TP63: variants seen among roughly 807,000 people sequenced by gnomAD.
TP63 encodes tumor protein p63, also known as tumor protein 63.
TP63 carries 17 observed loss-of-function variants against 82.8 expected under a neutral mutation model. The ratio of observed to expected loss-of-function variants is 0.21; its 90% CI spans 0.14 to 0.31. The LOEUF (loss-of-function observed/expected upper bound fraction) is 0.31, where lower values mean the gene tolerates loss of function less well. Among genes scored for constraint, TP63 ranks in the 10% least tolerant of loss-of-function variants. TP63 has a pLI of 1.00. For synonymous variants in TP63, 330 were observed against 321.7 expected (o/e 1.03, Z -0.28); for missense variants, 648 against 895.3 (o/e 0.72, Z 3.52).
intron 1 of TP63, among the ~76,000 whole-genome samples, chr3:189,676,992 C>T (rs1270291819): frequency 1.3e-5 from 2 of 151,072 alleles, no homozygotes; most frequent in Admixed American, 1.3e-4. Flanking sequence ...CCCTCCCACC[C>T]TCCCAAATCT....
At chr3:189,657,029 A>G (rs1713439730) in intron 1 of TP63, among the ~76,000 whole-genome samples, 1 of 151,992 alleles carries the variant, frequency 6.6e-6, no homozygotes, top group Admixed American at 6.6e-5. Flanking sequence ...GCAAAAAAAA[A>G]AAAAGACAAC....
At chr3:189,771,644 T>G (rs1233712880) in intron 3 of TP63, among the ~76,000 whole-genome samples, 1 of 151,486 alleles carries the variant, frequency 6.6e-6, no homozygotes, top group Non-Finnish European at 1.5e-5. Flanking sequence ...CCCTCCTGAG[T>G]TGAATATTTG....
chr3:189,842,603 A>T (rs1714298427), intron 4 of TP63, among the ~76,000 whole-genome samples: 1 of 152,182 alleles, frequency 6.6e-6, no homozygotes, highest in Non-Finnish European at 1.5e-5. Flanking sequence ...GGGAGCACAT[A>T]GATGTCCAGT....
chr3:189,868,796 G>T, intron 8 of TP63, 80 bp downstream of exon 8: 1 of 1,607,716 alleles, frequency 6.2e-7, no homozygotes, highest in Non-Finnish European at 8.5e-7. Context: ...TGGAGAAGCT[G>T]CATGATAAGA....
intron 3 of TP63, among the ~76,000 whole-genome samples, chr3:189,760,891 C>G (rs1722516799): frequency 6.6e-6 from 1 of 152,160 alleles, no homozygotes. Flanking sequence ...GACTTCTGTG[C>G]ACACACAGGC....
the TP63 span, among the ~76,000 whole-genome samples, chr3:189,617,927 C>T: frequency 2.6e-5 from 4 of 152,272 alleles, no homozygotes; most frequent in African/African-American, 9.6e-5. Context: ...TATTATTTAG[C>T]CATGTGAGCT....
Position 189,836,254 on chromosome 3 carries a change from G to T in TP63, c.579+27728G>T, listed in dbSNP as rs923863899. Among the ~76,000 whole-genome samples, 3 of 152,224 alleles carry T rather than the reference G, an allele frequency of 2.0e-5. No homozygotes were observed. In the South Asian group the frequency reaches 6.2e-4, roughly 32 times the overall value. On this transcript the variant is annotated intron_variant, in intron 4 of 13. Transcript: ENST00000264731. ...AATCAAAGAATCCCTGTTTTAAGAG[G>T]AGTTTTTCTTATTTCAACTGGCAAA...
chr3:189,634,403 A>C (rs1308335645), intron 1 of TP63, among the ~76,000 whole-genome samples: 1 of 152,092 alleles, frequency 6.6e-6, no homozygotes, highest in African/African-American at 2.4e-5. Context: ...TGCCATTCCA[A>C]AAAAGTGTTT....
chr3:189,735,253 C>T (rs771152499), intron 1 of TP63, among the ~76,000 whole-genome samples: 1 of 152,218 alleles, frequency 6.6e-6, no homozygotes, highest in African/African-American at 2.4e-5. Flanking sequence ...TGCACCTATT[C>T]TGCACAGGTC....
At chr3:189,782,592 G>C (rs1458626060) in intron 3 of TP63, among the ~76,000 whole-genome samples, 1 of 152,042 alleles carries the variant, frequency 6.6e-6, no homozygotes, top group East Asian at 1.9e-4. Context: ...AATTTATTTG[G>C]AATCTATCAT....
chr3:189,654,244 TA>T (rs918058497), intron 1 of TP63, among the ~76,000 whole-genome samples: 234 of 135,828 alleles, frequency 1.7e-3, no homozygotes, highest in South Asian at 4.4e-3. Flanking sequence ...AAGCCTTTTG[TA>T]AAAAAAAAAA....
At chr3:189,721,614 A>G (rs1277123763) in intron 1 of TP63, among the ~76,000 whole-genome samples, 2 of 152,124 alleles carry the variant, frequency 1.3e-5, no homozygotes, top group African/African-American at 4.8e-5. Flanking sequence ...GTTCAGCTAG[A>G]ACTTTGTTTC....
intron 3 of TP63, among the ~76,000 whole-genome samples, chr3:189,749,424 C>G (rs1185470938): frequency 1.3e-5 from 2 of 151,838 alleles, no homozygotes; most frequent in African/African-American, 4.8e-5. Flanking sequence ...TAAAAATGGC[C>G]AATAACTATA....
chr3:189,811,090 A>G (rs1727512930), intron 4 of TP63, among the ~76,000 whole-genome samples: 1 of 152,168 alleles, frequency 6.6e-6, no homozygotes. Flanking sequence ...GGTGATGAGA[A>G]AAAGGCACTG....
intron 1 of TP63, among the ~76,000 whole-genome samples, chr3:189,634,027 A>G (rs1729615498): frequency 6.6e-6 from 1 of 152,140 alleles, no homozygotes; most frequent in Non-Finnish European, 1.5e-5. Flanking sequence ...AATAAATGAA[A>G]TATCACTGAA....
At chr3:189,651,278 G>T (rs2108636195) in intron 1 of TP63, among the ~76,000 whole-genome samples, 1 of 147,138 alleles carries the variant, frequency 6.8e-6, no homozygotes, top group South Asian at 2.2e-4. Flanking sequence ...AGGTGCAGTG[G>T]CTCACACCTG....
chr3:189,838,534 A>C (rs985667003), intron 4 of TP63, among the ~76,000 whole-genome samples: 7 of 152,160 alleles, frequency 4.6e-5, no homozygotes, highest in African/African-American at 1.7e-4. Flanking sequence ...AGCTTTTAAG[A>C]GATGTTGCAA....
At chr3:189,716,521 A>G (rs981670543) in intron 1 of TP63, among the ~76,000 whole-genome samples, 4 of 152,314 alleles carry the variant, frequency 2.6e-5, no homozygotes, top group Admixed American at 6.5e-5. Context: ...CAACATTGGA[A>G]TGGTGTCATT....
chr3:189,866,129 C>T (rs1159941663), intron 5 of TP63, among the ~76,000 whole-genome samples: 4 of 151,978 alleles, frequency 2.6e-5, no homozygotes, highest in African/African-American at 7.3e-5. Context: ...TTTCTTACAC[C>T]CAACTTGGGA....
Sources: allele counts gnomAD v4.1 joint callset (sites outside exome capture counted in the v4.1 genomes callset), GRCh38; gene constraint gnomAD v4.1.1; transcripts MANE v1.5; gene names NCBI Gene and HGNC (gene_info 2026-07-23, HGNC 2026-07-21).